The following CDH12 variants were observed in gnomAD, a reference collection of about 807,000 sequenced individuals.
CDH12 encodes the protein cadherin-12.
Under a neutral mutation model 74.1 loss-of-function variants are expected in CDH12, and 41 were observed. The ratio of observed to expected loss-of-function variants is 0.55; its 90% confidence interval spans 0.43 to 0.72. CDH12 has a LOEUF of 0.72. Among genes scored for constraint, CDH12 ranks in the 30% least tolerant of loss-of-function variants. The probability of loss-of-function intolerance (pLI) is 0.00; values close to 1 mark genes in which losing one functional copy is unlikely to be tolerated. For missense variants in CDH12, 945 were observed against 977.2 expected (o/e 0.97, Z 0.44); for synonymous variants, 399 against 355.0 (o/e 1.12, Z -1.39).
At chr5:22,541,915 C>T (rs1280497105) in intron 1 of CDH12, among the ~76,000 whole-genome samples, 7 of 152,038 alleles carry the variant, frequency 4.6e-5, no homozygotes, top group Non-Finnish European at 1.0e-4. Flanking sequence ...CTATACCTCA[C>T]TGAAAGATTT....
At chr5:22,589,329 T>G (rs2126796571) in intron 1 of CDH12, among the ~76,000 whole-genome samples, 1 of 152,136 alleles carries the variant, frequency 6.6e-6, no homozygotes, top group African/African-American at 2.4e-5. Context: ...TCAAGACCAA[T>G]CCAGTGGAGA....
At position 22,606,623 on chromosome 5, in the gene CDH12, C is replaced by T. The variant is rs570819632; in HGVS notation, c.-522-101259G>A. 2.6e-5 allele frequency among the ~76,000 whole-genome samples: 4 copies of T among 152,302 alleles called. No individual in the cohort carries two copies. The South Asian group carries it at 8.3e-4, about 32-fold the overall frequency. ...GACTGTAAGTTTCATGAGGCCTCCC[C>T]AGCCATGTGGATCTGTGAGTCAATT... is the stretch of plus-strand genomic sequence containing the variant. On this transcript the variant is annotated intron_variant, in intron 1 of 14. Coordinates refer to ENST00000382254, the MANE Select transcript of CDH12 (RefSeq NM_004061.5).
chr5:22,783,362 T>G (rs1233369772), intron 1 of CDH12, among the ~76,000 whole-genome samples: 1 of 152,114 alleles, frequency 6.6e-6, no homozygotes, highest in African/African-American at 2.4e-5. Context: ...TGAGTTCAGC[T>G]CAGTTCCCTC....
chr5:22,540,960 C>A (rs1189990705), intron 1 of CDH12, among the ~76,000 whole-genome samples: 2 of 152,130 alleles, frequency 1.3e-5, no homozygotes, highest in Non-Finnish European at 2.9e-5. Context: ...TGAAATATTT[C>A]TCTGTTGAGA....
Position 22,644,531 on chromosome 5 carries a change from A to T in CDH12, c.-522-139167T>A, listed in dbSNP as rs542686982. Among the ~76,000 whole-genome samples, 8 of 152,156 alleles carry T rather than the reference A, an allele frequency of 5.3e-5. No homozygotes were observed. In the East Asian group the frequency reaches 1.2e-3, roughly 22 times the overall value. Reference sequence around the variant, plus strand: ...AAAAGACAGATAAATAAAAATTTTTAAAAAATGAAGCTAGCACAGGTTGGT... The same window carrying T: ...AAAAGACAGATAAATAAAAATTTTTTAAAAATGAAGCTAGCACAGGTTGGT... On this transcript the variant is annotated intron_variant, in intron 1 of 14. Coordinates refer to ENST00000382254, the MANE Select transcript of CDH12 (RefSeq NM_004061.5).
intron 1 of CDH12, among the ~76,000 whole-genome samples, chr5:22,758,113 G>C (rs1486146374): frequency 1.3e-5 from 2 of 152,202 alleles, no homozygotes; most frequent in African/African-American, 4.8e-5. Flanking sequence ...TGATAGTGCA[G>C]GCGGCCGATA....
intron 3 of CDH12, among the ~76,000 whole-genome samples, chr5:22,379,784 C>A (rs746870034): frequency 6.6e-6 from 1 of 150,606 alleles, no homozygotes; most frequent in Non-Finnish European, 1.5e-5. Context: ...GAGATTGAGT[C>A]TCTTTCTGTT....
intron 6 of CDH12, among the ~76,000 whole-genome samples, chr5:21,907,713 T>C (rs577861483): frequency 6.6e-6 from 1 of 152,346 alleles, no homozygotes; most frequent in African/African-American, 2.4e-5. Context: ...AGGATAAAAC[T>C]TCTGCTGCTC....
In CDH12 at chr5:22,046,598, T is replaced by C. The variant is rs373147713; in HGVS notation, c.231+31848A>G. Among the ~76,000 whole-genome samples, 3 of 152,006 alleles carry C rather than the reference T, an allele frequency of 2.0e-5. No individual in the cohort carries two copies. In the South Asian group the frequency reaches 6.2e-4, roughly 32 times the overall value. On this transcript the variant is annotated intron_variant, in intron 5 of 14. Transcript: ENST00000382254. ...ATGCTCTGTTGTTTTTCTTAATCTA[T>C]AATGTGAAAATATTACCTTCCAGAG...
chr5:22,173,331 TTTATA>T (rs1383660904), intron 4 of CDH12, among the ~76,000 whole-genome samples: 5 of 146,830 alleles, frequency 3.4e-5, no homozygotes, highest in African/African-American at 1.2e-4. Flanking sequence ...TCTAATATAA[TTTATA>T]TAATATAATT....
At chr5:22,512,968 C>G (rs933084386) in intron 1 of CDH12, among the ~76,000 whole-genome samples, 1 of 151,950 alleles carries the variant, frequency 6.6e-6, no homozygotes, top group Non-Finnish European at 1.5e-5. Context: ...ACCCAGGAGG[C>G]GGAGGTTGCA....
chr5:22,395,139 G>A (rs907297211), intron 3 of CDH12, among the ~76,000 whole-genome samples: 7 of 152,140 alleles, frequency 4.6e-5, no homozygotes, highest in Non-Finnish European at 1.0e-4. Context: ...GATTATCTGA[G>A]CAGGATCTAA....
At chr5:21,824,236 G>GT (rs1748534843) in intron 8 of CDH12, among the ~76,000 whole-genome samples, 1 of 151,988 alleles carries the variant, frequency 6.6e-6, no homozygotes, top group Admixed American at 6.6e-5. Context: ...CTTTCCTGGG[G>GT]TGTTTTCACC....
intron 4 of CDH12, among the ~76,000 whole-genome samples, chr5:22,115,135 C>T (rs749368041): frequency 6.6e-6 from 1 of 152,114 alleles, no homozygotes; most frequent in Non-Finnish European, 1.5e-5. Context: ...AGTATTCAAA[C>T]ACTATCAAAT....
intron 3 of CDH12, among the ~76,000 whole-genome samples, chr5:22,333,163 G>A (rs1463613262): frequency 1.3e-5 from 2 of 152,154 alleles, no homozygotes; most frequent in East Asian, 3.9e-4. Context: ...AATGTCCTTT[G>A]CAGGGACATG....
intron 6 of CDH12, among the ~76,000 whole-genome samples, chr5:21,956,920 T>C (rs1288865009): frequency 6.6e-6 from 1 of 152,132 alleles, no homozygotes; most frequent in African/African-American, 2.4e-5. Flanking sequence ...TCTTTTTTTT[T>C]TAACTTTTAT....
intron 5 of CDH12, among the ~76,000 whole-genome samples, chr5:21,982,871 T>A (rs1757369654): frequency 6.6e-6 from 1 of 151,946 alleles, no homozygotes; most frequent in Non-Finnish European, 1.5e-5. Flanking sequence ...TGCATATGGA[T>A]TTTTTTTCCG....
At chr5:22,037,239 T>G (rs1739254556) in intron 5 of CDH12, among the ~76,000 whole-genome samples, 1 of 152,130 alleles carries the variant, frequency 6.6e-6, no homozygotes. Flanking sequence ...CAAAAGAGAT[T>G]TTGCCGACAT....
At chr5:22,169,153 C>T (rs1327998310) in intron 4 of CDH12, among the ~76,000 whole-genome samples, 1 of 151,790 alleles carries the variant, frequency 6.6e-6, no homozygotes, top group African/African-American at 2.4e-5. Flanking sequence ...ATTTTTGCCT[C>T]TCAATTTCTC....
Sources: gnomAD v4.1 joint callset for allele counts (sites outside exome capture counted in the v4.1 genomes callset) on GRCh38, gnomAD v4.1.1 for gene constraint, MANE v1.5 for transcripts, NCBI Gene and HGNC (gene_info 2026-07-23, HGNC 2026-07-21) for gene names.